Variants in SGCZ observed in about 807,000 individuals in gnomAD.
SGCZ encodes zeta-sarcoglycan.
SGCZ carries 40 observed loss-of-function variants against 41.3 expected under a neutral mutation model. That is an observed-to-expected ratio of 0.97 (90% CI 0.75 to 1.26). The LOEUF (loss-of-function observed/expected upper bound fraction) is 1.26. Ranked by LOEUF, SGCZ falls within the 50% of genes most tolerant of loss-of-function variation. SGCZ has a pLI of 0.00. For missense variants in SGCZ, 552 were observed against 369.8 expected, an observed-to-expected ratio of 1.49 and a Z score of -4.04; for synonymous variants, 206 against 137.5, an observed-to-expected ratio of 1.50 and a Z score of -3.49.
chr8:14,514,253 T>G (rs1296997021), intron 2 of SGCZ, among the ~76,000 whole-genome samples: 1 of 152,088 alleles, frequency 6.6e-6, no homozygotes, highest in Non-Finnish European at 1.5e-5. Context: ...TGATACGGTA[T>G]CAGAGATGTC....
intron 1 of SGCZ, among the ~76,000 whole-genome samples, chr8:14,885,234 C>T (rs1423360549): frequency 6.6e-6 from 1 of 152,132 alleles, no homozygotes. Flanking sequence ...TGAGGAAAGA[C>T]ATTGAGTTTT....
intron 3 of SGCZ, among the ~76,000 whole-genome samples, chr8:14,250,596 C>A (rs1299780243): frequency 6.6e-6 from 1 of 152,132 alleles, no homozygotes; most frequent in Non-Finnish European, 1.5e-5. Context: ...TAGGGGTCTC[C>A]ATATATCTGC....
At chr8:14,389,168 T>C (rs1247817666) in intron 2 of SGCZ, among the ~76,000 whole-genome samples, 1 of 151,884 alleles carries the variant, frequency 6.6e-6, no homozygotes, top group Admixed American at 6.6e-5. Flanking sequence ...CCGGACAATA[T>C]ACTTGGAGAA....
intron 1 of SGCZ, among the ~76,000 whole-genome samples, chr8:14,687,171 A>T (rs183670269): frequency 0.064 from 9,027 of 141,172 alleles, 485 homozygotes; most frequent in African/African-American, 0.16. Flanking sequence ...AGAAAAAAAA[A>T]ATATATATAT....
chr8:14,800,233 A>C (rs1398209595), intron 1 of SGCZ, among the ~76,000 whole-genome samples: 1 of 152,116 alleles, frequency 6.6e-6, no homozygotes, highest in African/African-American at 2.4e-5. Flanking sequence ...GTTTAGGAAA[A>C]ATCAGGTACA....
At chr8:14,753,644 T>C (rs1313864387) in intron 1 of SGCZ, among the ~76,000 whole-genome samples, 17 of 152,218 alleles carry the variant, frequency 1.1e-4, no homozygotes, top group Admixed American at 1.0e-3. Context: ...GAATATCATA[T>C]TGAGTTGCAG....
chr8:14,766,789 G>A (rs1800050777), intron 1 of SGCZ, among the ~76,000 whole-genome samples: 1 of 145,862 alleles, frequency 6.9e-6, no homozygotes, highest in Admixed American at 7.0e-5. Context: ...CGTTGCCCAG[G>A]CTGGTCTCCA....
intron 1 of SGCZ, among the ~76,000 whole-genome samples, chr8:15,102,985 A>C (rs2131084902): frequency 6.6e-6 from 1 of 152,304 alleles, no homozygotes; most frequent in East Asian, 1.9e-4. Flanking sequence ...ATAGGACATA[A>C]ATGTAATTAT....
At chr8:14,614,312 T>C (rs1806023926) in intron 1 of SGCZ, among the ~76,000 whole-genome samples, 1 of 152,142 alleles carries the variant, frequency 6.6e-6, no homozygotes, top group Non-Finnish European at 1.5e-5. Flanking sequence ...TATTTTTCCA[T>C]ATAATTACAG....
In SGCZ at chr8:14,688,022, G is replaced by A. The variant is rs565413351; in HGVS notation, c.40-133096C>T. 1.8e-3 allele frequency among the ~76,000 whole-genome samples: 272 copies of A among 152,140 alleles called. 5 individuals carry two copies. Among genetic ancestry groups the A allele is most frequent in the African/African-American group, 5.8e-3 (242 of 41,508 alleles). ...TGAGAAGTGTCTGTTCATGTCCTTC[G>A]CCCACTTTTTGATGGGGTTGTTTGT... On this transcript the variant is annotated intron_variant, in intron 1 of 7. Coordinates refer to ENST00000382080, the MANE Select transcript of SGCZ (RefSeq NM_139167.4).
intron 2 of SGCZ, among the ~76,000 whole-genome samples, chr8:14,410,551 AAAC>A (rs1799331998): frequency 6.6e-6 from 1 of 151,022 alleles, no homozygotes; most frequent in Non-Finnish European, 1.5e-5. Flanking sequence ...AAAAAAAAAA[AAAC>A]AGAAGTTCTA....
intron 1 of SGCZ, among the ~76,000 whole-genome samples, chr8:15,134,672 CAA>C (rs1394515508): frequency 6.6e-6 from 1 of 152,062 alleles, no homozygotes; most frequent in Non-Finnish European, 1.5e-5. Flanking sequence ...GACGAGTCAC[CAA>C]AAAGCCCAAT....
At chr8:14,930,711 T>A (rs1244834629) in intron 1 of SGCZ, among the ~76,000 whole-genome samples, 1 of 151,936 alleles carries the variant, frequency 6.6e-6, no homozygotes, top group Non-Finnish European at 1.5e-5. Context: ...CTGGAAACCA[T>A]CATTCTCAGC....
At chr8:14,868,869 C>A (rs1804035013) in intron 1 of SGCZ, among the ~76,000 whole-genome samples, 1 of 152,022 alleles carries the variant, frequency 6.6e-6, no homozygotes, top group South Asian at 2.1e-4. Flanking sequence ...GACACACACA[C>A]CCTCCCAAGG....
chr8:14,342,024 G>T (rs1172351230), intron 2 of SGCZ, among the ~76,000 whole-genome samples: 1 of 152,196 alleles, frequency 6.6e-6, no homozygotes, highest in Non-Finnish European at 1.5e-5. Flanking sequence ...TGGGTAACAG[G>T]CAGAGGTTGG....
intron 2 of SGCZ, among the ~76,000 whole-genome samples, chr8:14,354,443 G>C (rs1803217698): frequency 6.6e-6 from 1 of 151,716 alleles, no homozygotes; most frequent in South Asian, 2.1e-4. Flanking sequence ...GGAAAAGTGG[G>C]TAAAATACAA....
chr8:15,101,049 A>T lies in SGCZ; in HGVS notation c.39+136536T>A, dbSNP rs141045408. Among the ~76,000 whole-genome samples, 642 of 152,244 alleles carry T rather than the reference A, an allele frequency of 4.2e-3. 3 individuals carry two copies. Among genetic ancestry groups the T allele is most frequent in the African/African-American group, 0.014 (591 of 41,544 alleles). On this transcript the variant is annotated intron_variant, in intron 1 of 7. Coordinates refer to ENST00000382080, the MANE Select transcript of SGCZ (RefSeq NM_139167.4). The stretch of plus-strand genomic sequence containing the variant: ...AAAACAAATGGTGATAGAACAAAAC[A>T]TCCACATGCAAAATTGAATCTAGAC...
intron 1 of SGCZ, among the ~76,000 whole-genome samples, chr8:14,850,747 G>A (rs902732022): frequency 1.3e-5 from 2 of 152,106 alleles, no homozygotes; most frequent in South Asian, 2.1e-4. Flanking sequence ...TTGAATCATG[G>A]CGGCAGTTTC....
chr8:14,391,543 A>T (rs1804774343), intron 2 of SGCZ, among the ~76,000 whole-genome samples: 3 of 152,146 alleles, frequency 2.0e-5, no homozygotes, highest in Admixed American at 2.0e-4. Context: ...GGGCAGAAGT[A>T]GGAAGTGTGG....
Sources: gnomAD v4.1 joint callset for allele counts (sites outside exome capture counted in the v4.1 genomes callset) on GRCh38, gnomAD v4.1.1 for gene constraint, MANE v1.5 for transcripts, NCBI Gene and HGNC (gene_info 2026-07-23, HGNC 2026-07-21) for gene names.